Variants in KCNN2 observed in about 807,000 individuals in gnomAD.
KCNN2 encodes the protein potassium calcium-activated channel subfamily N member 2.
In KCNN2, 24 loss-of-function variants were observed where a neutral mutation model predicts 55.5. That is an observed-to-expected ratio of 0.43 (90% confidence interval 0.31 to 0.61). The LOEUF (loss-of-function observed/expected upper bound fraction) is 0.61. KCNN2 is among the 20% of genes least tolerant of loss of function. KCNN2 has a pLI of 0.08. For missense variants in KCNN2, 754 were observed against 853.6 expected (o/e 0.88, Z 1.45); for synonymous variants, 431 against 336.1 (o/e 1.28, Z -3.09).
intron 1 of KCNN2, among the ~76,000 whole-genome samples, chr5:114,157,595 T>C (rs1407047796): frequency 6.6e-6 from 1 of 152,178 alleles, no homozygotes; most frequent in East Asian, 1.9e-4. Flanking sequence ...ACTTCCACAA[T>C]GGTTGAACTA....
intron 2 of KCNN2, among the ~76,000 whole-genome samples, chr5:114,267,934 T>A (rs1755243264): frequency 6.6e-6 from 1 of 152,166 alleles, no homozygotes; most frequent in Admixed American, 6.5e-5. Context: ...CCTCAGATGC[T>A]TTTATGGCCA....
At chr5:114,301,134 G>A (rs1330381077) in intron 2 of KCNN2, among the ~76,000 whole-genome samples, 3 of 151,196 alleles carry the variant, frequency 2.0e-5, no homozygotes, top group African/African-American at 2.4e-5. Flanking sequence ...TGTAAATAAC[G>A]TCTCCAATAG....
intron 2 of KCNN2, among the ~76,000 whole-genome samples, chr5:114,347,294 C>A (rs1561579835): frequency 6.6e-6 from 1 of 152,138 alleles, no homozygotes; most frequent in Admixed American, 6.5e-5. Flanking sequence ...GAGGGAGAAA[C>A]AGTAACTTTA....
At chr5:114,435,695 G>A (rs1206293687) in intron 3 of KCNN2, among the ~76,000 whole-genome samples, 1 of 151,916 alleles carries the variant, frequency 6.6e-6, no homozygotes, top group Non-Finnish European at 1.5e-5. Context: ...TATATATTAA[G>A]TTATACATTT....
At chr5:114,423,025 A>T (rs867341133) in intron 3 of KCNN2, among the ~76,000 whole-genome samples, 1 of 152,244 alleles carries the variant, frequency 6.6e-6, no homozygotes, top group African/African-American at 2.4e-5. Flanking sequence ...ATAAGCTGGC[A>T]CAAAGCTGGT....
chr5:114,450,384 C>G lies in KCNN2; in HGVS notation c.1638-12665C>G, dbSNP rs148259825. Among the ~76,000 whole-genome samples the G allele has an allele frequency of 3.8e-3, 573 of 152,200 alleles. 2 individuals are homozygous for G. Among genetic ancestry groups the G allele is most frequent in the Middle Eastern group, 0.017 (5 of 294 alleles). ...CACAGTGTGCACAGGATGCCTGGCACGCAGCAGGAGCTGAATGAATAGAGG... is the reference window on the plus strand; with the variant it reads ...CACAGTGTGCACAGGATGCCTGGCAGGCAGCAGGAGCTGAATGAATAGAGG... On this transcript the variant is annotated intron_variant, in intron 3 of 7. Transcript: ENST00000673685.
At chr5:114,187,445 C>A (rs1321161098) in intron 1 of KCNN2, among the ~76,000 whole-genome samples, 1 of 150,972 alleles carries the variant, frequency 6.6e-6, no homozygotes, top group Non-Finnish European at 1.5e-5. Context: ...CCTGGCCTAA[C>A]CTTTTGGAAT....
intron 2 of KCNN2, among the ~76,000 whole-genome samples, chr5:114,301,581 C>G (rs1457198718): frequency 6.6e-6 from 1 of 152,110 alleles, no homozygotes; most frequent in East Asian, 1.9e-4. Context: ...GGAACTGTTT[C>G]CAGCTACCCA....
intron 2 of KCNN2, among the ~76,000 whole-genome samples, chr5:114,297,668 A>G (rs1756057203): frequency 6.6e-6 from 1 of 152,202 alleles, no homozygotes; most frequent in Non-Finnish European, 1.5e-5. Context: ...TATTTACTAC[A>G]GCATTATTTA....
chr5:114,251,081 A>G (rs1754848181), intron 2 of KCNN2, among the ~76,000 whole-genome samples: 1 of 152,210 alleles, frequency 6.6e-6, no homozygotes, highest in Non-Finnish European at 1.5e-5. Flanking sequence ...GATCCTGGTA[A>G]TGCGGTACAT....
At chr5:114,108,748 A>C (rs1751537265) in intron 1 of KCNN2, among the ~76,000 whole-genome samples, 3 of 152,074 alleles carry the variant, frequency 2.0e-5, no homozygotes, top group Admixed American at 2.0e-4. Flanking sequence ...TGAATAGGAC[A>C]ACATTTGTTT....
In KCNN2 at chr5:114,313,709, G is replaced by T. The variant is rs143846987; in HGVS notation, c.-184-47236G>T. Reference sequence around the variant, plus strand: ...TCTTGGATAAGCACATTTGCAAAAGGCATCTTCCCTTTAATATATGTCTGT... The same window carrying T: ...TCTTGGATAAGCACATTTGCAAAAGTCATCTTCCCTTTAATATATGTCTGT... On this transcript the variant is annotated intron_variant, in intron 2 of 10. Coordinates refer to the KCNN2 transcript ENST00000512097. Among the ~76,000 whole-genome samples, 379 of 152,170 alleles carry T rather than the reference G, an allele frequency of 2.5e-3. 1 individual carries two copies. The highest frequency in any genetic ancestry group is 0.01 in the Middle Eastern group (3 of 294).
intron 1 of KCNN2, among the ~76,000 whole-genome samples, chr5:114,139,461 C>CG (rs1300708003): frequency 1.3e-5 from 2 of 148,910 alleles, no homozygotes; most frequent in African/African-American, 4.9e-5. Context: ...ACACAACCAC[C>CG]CCCCCCACAC....
chr5:114,062,593 T>G (rs966263527), intron 1 of KCNN2, among the ~76,000 whole-genome samples: 2 of 152,210 alleles, frequency 1.3e-5, no homozygotes, highest in African/African-American at 4.8e-5. Flanking sequence ...AATTGACTGG[T>G]GAAGAAATCC....
chr5:114,081,737 G>A (rs1459988054), intron 1 of KCNN2, among the ~76,000 whole-genome samples: 2 of 152,164 alleles, frequency 1.3e-5, no homozygotes, highest in South Asian at 2.1e-4. Context: ...GACACAAAAG[G>A]CACGGGCAAC....
At chr5:114,365,657 A>T (rs1034986308) in intron 2 of KCNN2, among the ~76,000 whole-genome samples, 1 of 152,216 alleles carries the variant, frequency 6.6e-6, no homozygotes. Flanking sequence ...CATGCCAAAA[A>T]CTGTGAAACG....
At chr5:114,182,019 A>G (rs865930476) in intron 1 of KCNN2, among the ~76,000 whole-genome samples, 2 of 152,196 alleles carry the variant, frequency 1.3e-5, no homozygotes, top group Non-Finnish European at 2.9e-5. Context: ...GTGTCAAAAA[A>G]AAAAATTAAT....
At chr5:114,069,407 T>C (rs1004963950) in intron 1 of KCNN2, among the ~76,000 whole-genome samples, 6 of 152,164 alleles carry the variant, frequency 3.9e-5, no homozygotes, top group Non-Finnish European at 2.9e-5. Flanking sequence ...TTAAAGGCAC[T>C]TGTGCCAGCA....
At chr5:114,419,433 A>G (rs539327885) in intron 3 of KCNN2, among the ~76,000 whole-genome samples, 5 of 152,374 alleles carry the variant, frequency 3.3e-5, no homozygotes, top group African/African-American at 7.2e-5. Context: ...GATATTTTCA[A>G]TTACAAAGCA....
Sources: allele counts gnomAD v4.1 joint callset (sites outside exome capture counted in the v4.1 genomes callset), GRCh38; gene constraint gnomAD v4.1.1; transcripts MANE v1.5; gene names NCBI Gene and HGNC (gene_info 2026-07-23, HGNC 2026-07-21).